The following PTPRN2 variants were observed in gnomAD, a reference collection of about 807,000 sequenced individuals.
PTPRN2 encodes the protein receptor-type tyrosine-protein phosphatase N2.
Under a neutral mutation model 118.8 loss-of-function variants are expected in PTPRN2, and 74 were observed. The ratio of observed to expected loss-of-function variants is 0.62; its 90% CI spans 0.52 to 0.76. PTPRN2 has a LOEUF of 0.76. PTPRN2 is among the 30% of genes least tolerant of loss of function. PTPRN2 has a pLI of 0.00. For missense variants in PTPRN2, 1,481 were observed against 1,394.4 expected, an observed-to-expected ratio of 1.06 and a Z score of -0.99; for synonymous variants, 641 against 608.0, an observed-to-expected ratio of 1.05 and a Z score of -0.80.
At chr7:158,338,881 C>A (rs1177405828) in intron 2 of PTPRN2, among the ~76,000 whole-genome samples, 1 of 25,942 alleles carries the variant, frequency 3.9e-5, no homozygotes, top group East Asian at 8.4e-4. Flanking sequence ...TAAGAGCTGA[C>A]ACCTGCAGAC....
chr7:158,129,891 C>T (rs1055382755), intron 9 of PTPRN2, among the ~76,000 whole-genome samples: 3 of 152,104 alleles, frequency 2.0e-5, no homozygotes, highest in South Asian at 2.1e-4. Context: ...CAGACAGACA[C>T]GTGGGACGCC....
chr7:157,775,622 G>A (rs1346482089), intron 12 of PTPRN2, among the ~76,000 whole-genome samples: 1 of 152,210 alleles, frequency 6.6e-6, no homozygotes, highest in Non-Finnish European at 1.5e-5. Flanking sequence ...AGTCGCCCAG[G>A]ACAGCAAGCC....
chr7:157,600,225 C>CTCTCCACCTGCCCACG (rs1801595462), intron 16 of PTPRN2, among the ~76,000 whole-genome samples: 7 of 142,412 alleles, frequency 4.9e-5, no homozygotes, highest in African/African-American at 1.8e-4. Flanking sequence ...ACCTGCCCAC[C>CTCTCCACCTGCCCACG]TCTCCACCTG....
Position 157,986,946 on chromosome 7 carries a change from G to C in PTPRN2, c.1724-88209C>G, listed in dbSNP as rs1043423290. On this transcript the variant is annotated intron_variant, in intron 11 of 22. Coordinates refer to ENST00000389418, the MANE Select transcript of PTPRN2 (RefSeq NM_002847.5). This position sits in a 1 kb window ranked among gnomAD's most constrained non-coding sequence, Gnocchi z 4.5. ...CATTTGCACGGTATCAGCTATAGCC[G>C]CAGTGAGAGGGAGGCTGCTGGACAC... Among the ~76,000 whole-genome samples the C allele has an allele frequency of 1.3e-5, 2 of 152,250 alleles. No homozygotes were observed. Among genetic ancestry groups the C allele is most frequent in the South Asian group, 4.2e-4 (2 of 4,814 alleles).
At chr7:157,967,350 AG>A (rs1298161015) in intron 11 of PTPRN2, among the ~76,000 whole-genome samples, 1 of 152,184 alleles carries the variant, frequency 6.6e-6, no homozygotes, top group Admixed American at 6.5e-5. Context: ...GCAGGTTAGA[AG>A]TCCAGCCCGG....
chr7:157,666,010 G>C (rs1450986055), intron 13 of PTPRN2, among the ~76,000 whole-genome samples: 2 of 152,158 alleles, frequency 1.3e-5, no homozygotes, highest in Non-Finnish European at 2.9e-5. Context: ...GGGAGGGGTA[G>C]CATTAGGAGA....
chr7:157,657,110 A>C (rs1238249036), intron 13 of PTPRN2, among the ~76,000 whole-genome samples: 3 of 114,360 alleles, frequency 2.6e-5, no homozygotes, highest in Admixed American at 8.9e-5. Flanking sequence ...CACACACACC[A>C]CACACATCAC....
chr7:158,340,222 G>T (rs1158015771), intron 2 of PTPRN2, among the ~76,000 whole-genome samples: 2 of 86,758 alleles, frequency 2.3e-5, no homozygotes, highest in African/African-American at 8.1e-5. Flanking sequence ...GCTGATGCCG[G>T]CACACGTCAC....
intron 13 of PTPRN2, among the ~76,000 whole-genome samples, chr7:157,672,923 C>T (rs1294607379): frequency 6.6e-6 from 1 of 152,224 alleles, no homozygotes; most frequent in Admixed American, 6.5e-5. Context: ...CACACTAGCA[C>T]AGACCCAGAC....
chr7:158,442,355 C>G (rs1046597343), intron 2 of PTPRN2, among the ~76,000 whole-genome samples: 4 of 152,064 alleles, frequency 2.6e-5, no homozygotes, highest in Admixed American at 6.5e-5. Context: ...TATGTGCAAA[C>G]GTACGAGAGC....
intron 17 of PTPRN2, among the ~76,000 whole-genome samples, chr7:157,592,192 C>T (rs1255133537): frequency 6.6e-6 from 1 of 152,216 alleles, no homozygotes. Context: ...TTGATTATCA[C>T]TCTAAAATAG....
At chr7:157,545,632 G>A (rs1172132918) in intron 22 of PTPRN2, among the ~76,000 whole-genome samples, 1 of 152,106 alleles carries the variant, frequency 6.6e-6, no homozygotes, top group Non-Finnish European at 1.5e-5. Flanking sequence ...TTTGTGGTCG[G>A]GGACTGAGTT....
intron 12 of PTPRN2, among the ~76,000 whole-genome samples, chr7:157,746,461 A>C (rs984533502): frequency 0.018 from 1,028 of 55,682 alleles, no homozygotes; most frequent in Non-Finnish European, 0.02. Flanking sequence ...ACCCTACAGT[A>C]CTCACGGGGC....
intron 1 of PTPRN2, among the ~76,000 whole-genome samples, chr7:158,520,093 C>T (rs1483613935): frequency 6.6e-6 from 1 of 152,226 alleles, no homozygotes; most frequent in East Asian, 1.9e-4. Flanking sequence ...CTTGTCATTT[C>T]TTTTAACAAA....
At chr7:158,112,266 GGA>G (rs549846986) in intron 9 of PTPRN2, among the ~76,000 whole-genome samples, 23 of 152,360 alleles carry the variant, frequency 1.5e-4, no homozygotes, top group African/African-American at 5.5e-4. Context: ...AGGGCAGAGA[GGA>G]GAGACTGTCT....
intron 1 of PTPRN2, among the ~76,000 whole-genome samples, chr7:158,508,566 G>C (rs914393814): frequency 6.6e-6 from 1 of 151,902 alleles, no homozygotes; most frequent in Non-Finnish European, 1.5e-5. Context: ...AGCTGGAGAG[G>C]AGCAGGTGCG....
intron 11 of PTPRN2, among the ~76,000 whole-genome samples, chr7:157,917,452 G>A (rs927147953): frequency 2.0e-5 from 3 of 152,192 alleles, no homozygotes; most frequent in Admixed American, 1.3e-4. Context: ...TCTCATCTGC[G>A]GGTCTCCTGT....
intron 1 of PTPRN2, among the ~76,000 whole-genome samples, chr7:158,541,103 T>C (rs1010740302): frequency 2.6e-5 from 4 of 152,238 alleles, no homozygotes; most frequent in Non-Finnish European, 5.9e-5. Flanking sequence ...CTGAAGCCTA[T>C]GGCCTTTCTA....
intron 2 of PTPRN2, among the ~76,000 whole-genome samples, chr7:158,344,513 G>T (rs1009330238): frequency 3.4e-5 from 5 of 145,780 alleles, no homozygotes; most frequent in African/African-American, 1.3e-4. Flanking sequence ...ATACTCGCCG[G>T]CATTTAATAC....
Sources: gnomAD v4.1 joint callset for allele counts (sites outside exome capture counted in the v4.1 genomes callset) on GRCh38, gnomAD v4.1.1 for gene constraint, Gnocchi (gnomAD v3.1) non-coding constraint, MANE v1.5 for transcripts, NCBI Gene and HGNC (gene_info 2026-07-23, HGNC 2026-07-21) for gene names.